Variants in AOPEP observed in about 807,000 individuals in gnomAD.
AOPEP encodes the protein aminopeptidase O.
Under a neutral mutation model 98.1 loss-of-function variants are expected in AOPEP, and 77 were observed. The observed-to-expected ratio is 0.78, with a 90% CI of 0.65 to 0.95. The LOEUF (loss-of-function observed/expected upper bound fraction) is 0.95. Among genes scored for constraint, AOPEP ranks in the 40% least tolerant of loss-of-function variants. The pLI is 0.00. For synonymous variants in AOPEP, 346 were observed against 365.3 expected, an observed-to-expected ratio of 0.95 and a Z score of 0.60; for missense variants, 1,024 against 1,024.7, an observed-to-expected ratio of 1.00 and a Z score of 0.01.
At chr9:94,883,286 AG>A (rs2047803645) in intron 5 of AOPEP, among the ~76,000 whole-genome samples, 1 of 152,228 alleles carries the variant, frequency 6.6e-6, no homozygotes, top group African/African-American at 2.4e-5. Flanking sequence ...TAATTGAGCA[AG>A]GAAAAAAATG....
At chr9:94,867,226 A>G (rs1207644486) in intron 5 of AOPEP, among the ~76,000 whole-genome samples, 1 of 152,220 alleles carries the variant, frequency 6.6e-6, no homozygotes, top group East Asian at 1.9e-4. Context: ...TCCTTCACTT[A>G]ACAAAATTTT....
chr9:94,971,986 GAGGGC>G (rs1488398406), intron 10 of AOPEP, among the ~76,000 whole-genome samples: 1 of 130,846 alleles, frequency 7.6e-6, no homozygotes, highest in African/African-American at 4.0e-5. Flanking sequence ...GACACCTGCC[GAGGGC>G]AGTGTGGCCG....
At chr9:94,803,193 A>G (rs1848554797) in intron 5 of AOPEP, among the ~76,000 whole-genome samples, 1 of 152,206 alleles carries the variant, frequency 6.6e-6, no homozygotes. Context: ...TAGTTATAAT[A>G]TGCTGAGAGA....
intron 1 of AOPEP, among the ~76,000 whole-genome samples, chr9:94,738,627 G>A (rs905267224): frequency 7.2e-5 from 11 of 152,146 alleles, no homozygotes; most frequent in Admixed American, 5.9e-4. Context: ...AGGCTGGCAT[G>A]CAGTGGCGCA....
the AOPEP span, chr9:95,127,216 T>G: frequency 6.5e-6 from 1 of 153,012 alleles, no homozygotes; most frequent in African/African-American, 2.4e-5. Flanking sequence ...GAAGCTGGCC[T>G]CCGGTAGCCC....
intron 14 of AOPEP, among the ~76,000 whole-genome samples, chr9:95,075,668 C>T (rs911380646): frequency 6.6e-6 from 1 of 152,122 alleles, no homozygotes; most frequent in Non-Finnish European, 1.5e-5. Context: ...ATGGCTTGAG[C>T]CCAGGAGTTT....
Position 94,771,010 on chromosome 9 carries a change from G to GTA in AOPEP, c.798-1990_798-1989dup, listed in dbSNP as rs143277683. 5.3e-3 allele frequency among the ~76,000 whole-genome samples: 802 copies of GTA among 152,280 alleles called. 12 individuals are homozygous for GTA. The highest frequency in any genetic ancestry group is 0.043 in the South Asian group (209 of 4,826). On this transcript the variant is annotated intron_variant, in intron 2 of 16. Coordinates refer to ENST00000375315, the MANE Select transcript of AOPEP (RefSeq NM_001193329.3). ...ACTAAGTCCTGATTCTTCCTGCACA[G>GTA]TATTTCTCAGATTTGACCTCATCTC...
intron 11 of AOPEP, among the ~76,000 whole-genome samples, chr9:94,991,449 G>A (rs113347489): frequency 1.3e-4 from 20 of 152,346 alleles, no homozygotes; most frequent in African/African-American, 4.8e-4. Flanking sequence ...CGGAGCCCCA[G>A]GAGAAGTGTA....
At chr9:95,096,233 T>C in the AOPEP span, among the ~76,000 whole-genome samples, 2 of 152,160 alleles carry the variant, frequency 1.3e-5, no homozygotes, top group African/African-American at 2.4e-5. Context: ...ATTCTGTACA[T>C]GTACACGTGA....
intron 13 of AOPEP, among the ~76,000 whole-genome samples, chr9:95,041,446 G>GTGTGGGT (rs200579150): frequency 7.0e-6 from 1 of 142,012 alleles, no homozygotes; most frequent in Non-Finnish European, 1.5e-5. Flanking sequence ...AGTCCTTGGG[G>GTGTGGGT]GTGTGTGTGT....
At chr9:95,023,787 GCTGA>G (rs755269864) in intron 13 of AOPEP, among the ~76,000 whole-genome samples, 2 of 152,114 alleles carry the variant, frequency 1.3e-5, no homozygotes, top group South Asian at 2.1e-4. Flanking sequence ...TTCCCTGAGC[GCTGA>G]CTAACAGAAA....
the AOPEP span, chr9:95,125,125 C>T: frequency 4.3e-6 from 7 of 1,614,078 alleles, no homozygotes; most frequent in South Asian, 1.1e-5. Context: ...CAAAGCACTG[C>T]GTAAACACCT....
the AOPEP span, among the ~76,000 whole-genome samples, chr9:95,135,850 T>G: frequency 3.9e-5 from 6 of 152,178 alleles, no homozygotes; most frequent in East Asian, 1.2e-3. Context: ...GAAATAGGCA[T>G]GTTCAAACAC....
intron 6 of AOPEP, among the ~76,000 whole-genome samples, chr9:94,926,520 T>C (rs2054350498): frequency 6.6e-6 from 1 of 152,128 alleles, no homozygotes; most frequent in Non-Finnish European, 1.5e-5. Context: ...AGCACAAAGT[T>C]TGAAACATTT....
At chr9:95,141,397 A>C in the AOPEP span, among the ~76,000 whole-genome samples, 1 of 146,990 alleles carries the variant, frequency 6.8e-6, no homozygotes, top group Admixed American at 6.8e-5. Context: ...TAGAAATGGG[A>C]GTTTTAGTTA....
chr9:95,053,083 A>G (rs945292835), intron 13 of AOPEP, among the ~76,000 whole-genome samples: 7 of 152,142 alleles, frequency 4.6e-5, no homozygotes, highest in South Asian at 2.1e-4. Flanking sequence ...TTGTTAGAGC[A>G]CATGCTTTAA....
At chr9:95,098,685 G>A in the AOPEP span, among the ~76,000 whole-genome samples, 6 of 152,232 alleles carry the variant, frequency 3.9e-5, no homozygotes, top group African/African-American at 1.2e-4. Context: ...GCAACGGAGC[G>A]AGCAAGAGTG....
chr9:94,942,058 C>T (rs746157057), intron 7 of AOPEP, among the ~76,000 whole-genome samples: 6 of 152,156 alleles, frequency 3.9e-5, no homozygotes, highest in African/African-American at 7.2e-5. Flanking sequence ...CATATTGCTG[C>T]TCCGTGTAGC....
intron 5 of AOPEP, among the ~76,000 whole-genome samples, chr9:94,841,014 C>T (rs2134804443): frequency 6.6e-6 from 1 of 152,088 alleles, no homozygotes; most frequent in South Asian, 2.1e-4. Context: ...TTTATTATTT[C>T]CTTCCTCTAC....
Sources: allele counts gnomAD v4.1 joint callset (sites outside exome capture counted in the v4.1 genomes callset), GRCh38; gene constraint gnomAD v4.1.1; transcripts MANE v1.5; gene names NCBI Gene and HGNC (gene_info 2026-07-23, HGNC 2026-07-21).